Variants in EYS observed in about 807,000 individuals in gnomAD.
EYS encodes EGF-like photoreceptor maintenance factor.
Under a neutral mutation model 282.1 loss-of-function variants are expected in EYS, and 250 were observed. The ratio of observed to expected loss-of-function variants is 0.89; its 90% CI spans 0.80 to 0.98. The LOEUF (loss-of-function observed/expected upper bound fraction) is 0.98, where lower values mean the gene tolerates loss of function less well. Among genes scored for constraint, EYS ranks in the 50% least tolerant of loss-of-function variants. The probability of loss-of-function intolerance (pLI) is 0.00; values close to 1 mark genes in which losing one functional copy is unlikely to be tolerated. For synonymous variants in EYS, 1,355 were observed against 1,282.9 expected (o/e 1.06, Z -1.20); for missense variants, 4,016 against 3,709.0 (o/e 1.08, Z -2.15).
At chr6:64,611,954 G>A (rs923432949) in intron 24 of EYS, among the ~76,000 whole-genome samples, 3 of 151,854 alleles carry the variant, frequency 2.0e-5, no homozygotes, top group Non-Finnish European at 4.4e-5. Flanking sequence ...TTTTTTAATA[G>A]AACAAGTCAT....
At chr6:64,623,794 C>CAAAAG (rs1767518562) in intron 23 of EYS, among the ~76,000 whole-genome samples, 1 of 151,876 alleles carries the variant, frequency 6.6e-6, no homozygotes, top group South Asian at 2.1e-4. Context: ...TATGCATTTA[C>CAAAAG]CAAAGCTATA....
chr6:65,320,760 C>G (rs1769452578), intron 11 of EYS, among the ~76,000 whole-genome samples: 1 of 152,168 alleles, frequency 6.6e-6, no homozygotes, highest in South Asian at 2.1e-4. Flanking sequence ...AACAGGTTGC[C>G]TTAAGGTGGC....
At chr6:64,556,439 A>T (rs572396208) in intron 26 of EYS, among the ~76,000 whole-genome samples, 1 of 152,094 alleles carries the variant, frequency 6.6e-6, no homozygotes, top group South Asian at 2.1e-4. Context: ...GCCTATCAGG[A>T]TAAAAATACT....
rs1194454944 is a variant in EYS at position 64,591,652 on chromosome 6, A to G, written c.4215T>C (p.Pro1405=). 1.3e-6 allele frequency: 2 copies of G among 1,551,326 alleles called. No individual in the cohort carries two copies. Among genetic ancestry groups the G allele is most frequent in the Non-Finnish European group, 1.7e-6 (2 of 1,146,768 alleles). ...MSSLMSDFIF[P]TQSLLFENCQ... is the part of the protein sequence containing the mutation. ...AGTTCTCAAATAATAAAGATTGTGTAGGAAAAATAAAATCTGACATTAAGG... is the reference window on the plus strand; with the variant it reads ...AGTTCTCAAATAATAAAGATTGTGTGGGAAAAATAAAATCTGACATTAAGG... Residue 1405 remains proline, a synonymous_variant, in exon 26 of 43, where the codon CCT becomes CCC. Coordinates refer to ENST00000503581, the MANE Select transcript of EYS (RefSeq NM_001142800.2).
intron 12 of EYS, among the ~76,000 whole-genome samples, chr6:65,228,279 A>G (rs916759094): frequency 2.6e-5 from 4 of 152,072 alleles, no homozygotes; most frequent in African/African-American, 7.2e-5. Context: ...GTATTGACTA[A>G]TGACATAATT....
intron 23 of EYS, among the ~76,000 whole-genome samples, chr6:64,625,531 T>TA (rs1767578168): frequency 1.3e-5 from 2 of 152,174 alleles, no homozygotes; most frequent in South Asian, 2.1e-4. Context: ...GCTAGCTCTC[T>TA]AGGGTCTACT....
intron 14 of EYS, among the ~76,000 whole-genome samples, chr6:64,980,825 T>C (rs1770637075): frequency 6.6e-6 from 1 of 151,338 alleles, no homozygotes; most frequent in African/African-American, 2.4e-5. Flanking sequence ...TCCATTTCAT[T>C]TAAAAATACT....
intron 12 of EYS, among the ~76,000 whole-genome samples, chr6:65,151,687 A>T (rs1764614572): frequency 6.6e-6 from 1 of 152,012 alleles, no homozygotes; most frequent in Non-Finnish European, 1.5e-5. Context: ...AAATATACAA[A>T]CACATATATA....
At chr6:64,238,567 C>T (rs760261054) in intron 30 of EYS, among the ~76,000 whole-genome samples, 16 of 152,064 alleles carry the variant, frequency 1.1e-4, no homozygotes, top group Admixed American at 5.2e-4. Flanking sequence ...TCTGAGTCTC[C>T]AATGTCCATT....
At chr6:64,706,046 C>G (rs1204768635) in intron 22 of EYS, among the ~76,000 whole-genome samples, 1 of 150,192 alleles carries the variant, frequency 6.7e-6, no homozygotes, top group Non-Finnish European at 1.5e-5. Flanking sequence ...AATCTGGAGG[C>G]ATCACATTAC....
rs1420500976 is a variant in EYS, at chr6:65,488,228, T to A, written c.862+2366A>T. On this transcript the variant is annotated intron_variant, in intron 5 of 42. Coordinates refer to ENST00000503581, the MANE Select transcript of EYS (RefSeq NM_001142800.2). Reference sequence around the variant, plus strand: ...TGTCTTCTGCTAGCTTTTGAATGTGTTTGCTCTTGCTTCTCTAGTTCTTTT... The same window carrying A: ...TGTCTTCTGCTAGCTTTTGAATGTGATTGCTCTTGCTTCTCTAGTTCTTTT... Among the ~76,000 whole-genome samples the A allele has an allele frequency of 3.9e-5, 6 of 152,152 alleles. No homozygotes were observed. The East Asian group carries it at 1.2e-3, about 29-fold the overall frequency.
chr6:64,630,787 A>G (rs1394725474), intron 22 of EYS, among the ~76,000 whole-genome samples: 1 of 152,174 alleles, frequency 6.6e-6, no homozygotes, highest in Non-Finnish European at 1.5e-5. Context: ...CTTAGCTTGA[A>G]TGGAGGAAAG....
At chr6:65,361,142 A>T (rs950748234) in intron 8 of EYS, among the ~76,000 whole-genome samples, 7 of 151,742 alleles carry the variant, frequency 4.6e-5, no homozygotes, top group African/African-American at 1.7e-4. Flanking sequence ...GTTCTCACTC[A>T]TAGGTGGGAA....
chr6:64,314,347 A>G (rs982165347), intron 29 of EYS, among the ~76,000 whole-genome samples: 1 of 152,140 alleles, frequency 6.6e-6, no homozygotes, highest in Admixed American at 6.5e-5. Flanking sequence ...TCCTAAATAT[A>G]TATGCAACCA....
At chr6:63,959,866 G>C (rs1325060486) in intron 35 of EYS, among the ~76,000 whole-genome samples, 2 of 152,058 alleles carry the variant, frequency 1.3e-5, no homozygotes, top group Non-Finnish European at 2.9e-5. Flanking sequence ...AGGGGAGTGG[G>C]GGGTAAGGGA....
intron 33 of EYS, among the ~76,000 whole-genome samples, chr6:64,064,547 ACTTT>A (rs1015761232): frequency 1.3e-5 from 2 of 152,134 alleles, no homozygotes; most frequent in Admixed American, 1.3e-4. Flanking sequence ...TCTCCTTTTT[ACTTT>A]CTTAAGTTTT....
intron 30 of EYS, among the ~76,000 whole-genome samples, chr6:64,289,510 C>T (rs1348619518): frequency 3.3e-5 from 5 of 152,012 alleles, no homozygotes; most frequent in South Asian, 2.1e-4. Flanking sequence ...AATACTTGAA[C>T]GGTATTTCAG....
chr6:65,544,394 G>A (rs5008811), intron 2 of EYS, among the ~76,000 whole-genome samples: 18,259 of 151,998 alleles, frequency 0.12, 1,327 homozygotes, highest in African/African-American at 0.18. Context: ...ACTGTGATAC[G>A]GTCTGGCTGT....
At chr6:65,462,517 T>C (rs73445197) in intron 5 of EYS, among the ~76,000 whole-genome samples, 16,424 of 151,978 alleles carry the variant, frequency 0.11, 1,366 homozygotes, top group African/African-American at 0.22. Flanking sequence ...GTAGAAATAT[T>C]AGAATTCTAT....
Sources: gnomAD v4.1 joint callset for allele counts (sites outside exome capture counted in the v4.1 genomes callset) on GRCh38, gnomAD v4.1.1 for gene constraint, MANE v1.5 for transcripts, NCBI Gene and HGNC (gene_info 2026-07-23, HGNC 2026-07-21) for gene names.